Variants in SERGEF observed in about 807,000 individuals in gnomAD.
SERGEF encodes secretion-regulating guanine nucleotide exchange factor.
Under a neutral mutation model 50.0 loss-of-function variants are expected in SERGEF, and 51 were observed. That is an observed-to-expected ratio of 1.02 (90% CI 0.81 to 1.29). The LOEUF is 1.29. SERGEF is among the 50% of genes most tolerant of loss of function. The pLI is 0.00. For synonymous variants in SERGEF, 205 were observed against 212.4 expected, an observed-to-expected ratio of 0.97 and a Z score of 0.30; for missense variants, 521 against 557.0, an observed-to-expected ratio of 0.94 and a Z score of 0.65.
intron 5 of SERGEF, chr11:17,999,357 A>G: frequency 3.3e-6 from 1 of 307,124 alleles, no homozygotes; most frequent in South Asian, 2.7e-5. Context: ...GGGAGAGAAC[A>G]CACAGGGTCT....
intron 8 of SERGEF, among the ~76,000 whole-genome samples, chr11:17,973,010 A>G (rs1235154724): frequency 6.6e-6 from 1 of 152,076 alleles, no homozygotes; most frequent in Non-Finnish European, 1.5e-5. Context: ...CAAAAAAAAA[A>G]AGGAAAGAAA....
At chr11:17,830,650 G>GAA (rs1850286538) in intron 10 of SERGEF, among the ~76,000 whole-genome samples, 1 of 61,908 alleles carries the variant, frequency 1.6e-5, no homozygotes, top group Non-Finnish European at 3.5e-5. Flanking sequence ...GAGAGGGAGG[G>GAA]AGAGAGAGAG....
At chr11:17,913,639 A>T (rs1483412462) in intron 9 of SERGEF, among the ~76,000 whole-genome samples, 1 of 152,174 alleles carries the variant, frequency 6.6e-6, no homozygotes, top group African/African-American at 2.4e-5. Context: ...GCTTAGCTGC[A>T]CTATCTACTC....
At chr11:17,913,450 TA>T (rs1851989680) in intron 9 of SERGEF, among the ~76,000 whole-genome samples, 1 of 152,174 alleles carries the variant, frequency 6.6e-6, no homozygotes, top group Non-Finnish European at 1.5e-5. Flanking sequence ...CTTAAGAAAT[TA>T]ACAGCTCCAG....
intron 9 of SERGEF, among the ~76,000 whole-genome samples, chr11:17,919,325 G>C (rs948577991): frequency 6.6e-6 from 1 of 152,180 alleles, no homozygotes; most frequent in Non-Finnish European, 1.5e-5. Flanking sequence ...GGGAGGGATG[G>C]AGATGGAGAG....
At chr11:17,790,410 A>G (rs1297451195) in intron 10 of SERGEF, among the ~76,000 whole-genome samples, 2 of 152,108 alleles carry the variant, frequency 1.3e-5, no homozygotes, top group African/African-American at 4.8e-5. Flanking sequence ...TGGTAGTTAC[A>G]GATCTAGTTC....
chr11:17,816,302 CG>C (rs757304720), intron 10 of SERGEF, among the ~76,000 whole-genome samples: 53 of 152,036 alleles, frequency 3.5e-4, no homozygotes, highest in Middle Eastern at 3.2e-3. Context: ...TGAGACAGGG[CG>C]GTATTTGCAA....
At chr11:17,850,167 A>T (rs1207065659) in intron 10 of SERGEF, among the ~76,000 whole-genome samples, 1 of 152,152 alleles carries the variant, frequency 6.6e-6, no homozygotes, top group Non-Finnish European at 1.5e-5. Context: ...CTCCCACAAT[A>T]ATGACATAAA....
chr11:17,844,272 C>T (rs1424175293), intron 10 of SERGEF, among the ~76,000 whole-genome samples: 1 of 152,112 alleles, frequency 6.6e-6, no homozygotes, highest in East Asian at 1.9e-4. Context: ...TATACATTCA[C>T]ATGACATTTT....
chr11:17,825,111 C>T (rs1850167588), intron 10 of SERGEF, among the ~76,000 whole-genome samples: 1 of 152,310 alleles, frequency 6.6e-6, no homozygotes. Flanking sequence ...TAATCACTTT[C>T]ATCCATTCAA....
chr11:17,893,709 T>C (rs912179679), intron 9 of SERGEF, among the ~76,000 whole-genome samples: 2 of 152,156 alleles, frequency 1.3e-5, no homozygotes, highest in African/African-American at 4.8e-5. Flanking sequence ...TATGATGTGA[T>C]GAGTACAGCC....
chr11:17,951,521 C>T (rs544094375), intron 9 of SERGEF, among the ~76,000 whole-genome samples: 12 of 152,270 alleles, frequency 7.9e-5, no homozygotes, highest in African/African-American at 2.9e-4. Context: ...ACTTACTGTC[C>T]CAATACTTAC....
rs541559376 is a variant in SERGEF at position 17,983,335 on chromosome 11, G to C, written c.844+5262C>G. Among the ~76,000 whole-genome samples, 9 of 152,268 alleles carry C rather than the reference G, an allele frequency of 5.9e-5. No individual in the cohort carries two copies. In the South Asian group the frequency reaches 1.9e-3, roughly 32 times the overall value. On this transcript the variant is annotated intron_variant, in intron 8 of 10. Transcript: ENST00000265965. ...GCACTGATCTTTCTGCACTCTTCAG[G>C]AGAGTTCTGAATCAACTTGTCACCC...
intron 6 of SERGEF, among the ~76,000 whole-genome samples, chr11:17,993,658 C>A (rs1590239082): frequency 1.3e-5 from 2 of 152,024 alleles, no homozygotes; most frequent in East Asian, 3.8e-4. Flanking sequence ...ACTTTTTTTT[C>A]TGACACTTCT....
At position 17,974,270 on chromosome 11, in the gene SERGEF, G is replaced by A. The variant is rs561952901; in HGVS notation, c.844+14327C>T. On this transcript the variant is annotated intron_variant, in intron 8 of 10. Transcript: ENST00000265965. ...TGCCAAGAACCTCCAAGTCACCAAT[G>A]TGACCTTTTGTAAAAACTTGACACA... is the stretch of plus-strand genomic sequence containing the variant. Among the ~76,000 whole-genome samples the A allele has an allele frequency of 2.0e-5, 3 of 152,314 alleles. No homozygotes were observed. In the South Asian group the frequency reaches 6.2e-4, roughly 32 times the overall value.
chr11:17,987,988 A>G (rs1853635407), intron 8 of SERGEF, among the ~76,000 whole-genome samples: 1 of 152,228 alleles, frequency 6.6e-6, no homozygotes, highest in South Asian at 2.1e-4. Context: ...AAAGTTAACA[A>G]TATGAAGGCC....
intron 5 of SERGEF, among the ~76,000 whole-genome samples, chr11:17,996,405 G>A (rs1853837735): frequency 6.6e-6 from 1 of 152,150 alleles, no homozygotes; most frequent in African/African-American, 2.4e-5. Flanking sequence ...CTAATGTAGT[G>A]CCCTTTCCAC....
At chr11:17,866,579 G>A (rs950271971) in intron 10 of SERGEF, among the ~76,000 whole-genome samples, 10 of 152,086 alleles carry the variant, frequency 6.6e-5, no homozygotes, top group African/African-American at 2.2e-4. Context: ...ATCTTGGCTC[G>A]CTACAACCTC....
intron 10 of SERGEF, among the ~76,000 whole-genome samples, chr11:17,802,248 C>G (rs1200298375): frequency 6.6e-6 from 1 of 152,096 alleles, no homozygotes; most frequent in African/African-American, 2.4e-5. Context: ...ATGAGGCCAC[C>G]CAAAAATGAG....
Sources: allele counts gnomAD v4.1 joint callset (sites outside exome capture counted in the v4.1 genomes callset), GRCh38; gene constraint gnomAD v4.1.1; transcripts MANE v1.5; gene names NCBI Gene and HGNC (gene_info 2026-07-23, HGNC 2026-07-21).